The following PLS1 variants were observed in gnomAD, a reference collection of about 807,000 sequenced individuals.
The protein encoded by PLS1 is plastin-1.
A neutral mutation model predicts 73.7 loss-of-function variants in PLS1; 32 were observed. That is an observed-to-expected ratio of 0.43 (90% CI 0.33 to 0.58). The LOEUF is 0.58. Among genes scored for constraint, PLS1 ranks in the 20% least tolerant of loss-of-function variants. The pLI, the probability that PLS1 is intolerant of heterozygous loss-of-function variation, is 0.04. For synonymous variants in PLS1, 217 were observed against 261.3 expected (o/e 0.83, Z 1.63); for missense variants, 633 against 740.5 (o/e 0.85, Z 1.68).
At chr3:142,657,375 AG>A (rs2037263011) in intron 1 of PLS1, among the ~76,000 whole-genome samples, 1 of 152,078 alleles carries the variant, frequency 6.6e-6, no homozygotes. Context: ...GCCCTCTAGG[AG>A]GTTCATGCTT....
At chr3:142,623,296 G>A (rs545944296) in intron 1 of PLS1, 7 of 151,900 alleles carry the variant, frequency 4.6e-5, no homozygotes, top group African/African-American at 1.7e-4. Flanking sequence ...ATAGAATGAT[G>A]ATGACATCCA....
At chr3:142,671,695 T>G (rs2037607191) in intron 4 of PLS1, among the ~76,000 whole-genome samples, 1 of 152,190 alleles carries the variant, frequency 6.6e-6, no homozygotes, top group Non-Finnish European at 1.5e-5. Context: ...AGATGAGGTG[T>G]CTTCCCCGTG....
intron 12 of PLS1, among the ~76,000 whole-genome samples, chr3:142,698,627 A>G (rs1186502409): frequency 6.6e-6 from 1 of 152,192 alleles, no homozygotes; most frequent in Non-Finnish European, 1.5e-5. Context: ...ATGAATGAAC[A>G]ATTCATAGAA....
intron 11 of PLS1, among the ~76,000 whole-genome samples, chr3:142,695,736 GA>G (rs1252992938): frequency 2.0e-5 from 3 of 151,900 alleles, no homozygotes; most frequent in African/African-American, 7.3e-5. Context: ...TGGGTAGTAG[GA>G]GTAGAGAATA....
Position 142,689,917 on chromosome 3 carries a change from G to A in PLS1, c.1177+104G>A. On this transcript the variant is annotated intron_variant, in intron 10 of 15. Transcript: ENST00000457734. The stretch of plus-strand genomic sequence containing the variant: ...GGATTGTGGTGGGAAATGCAATTTA[G>A]TGTGTGTAGGTATGTGTATCTATTG... 9 of 711,224 alleles carry A rather than the reference G, an allele frequency of 1.3e-5. No homozygotes were observed. In the South Asian group the frequency reaches 2.0e-4, roughly 16 times the overall value. The allele number at this position is 711,224 out of a possible 1,614,324, so 44.1% of individuals were successfully genotyped here. A position where few individuals can be genotyped will look rare whatever the true frequency, so the allele number is the denominator to read the frequency against.
intron 1 of PLS1, among the ~76,000 whole-genome samples, chr3:142,628,983 T>C (rs1489403206): frequency 4.6e-5 from 7 of 152,224 alleles, no homozygotes. Flanking sequence ...GGAAGCTTCC[T>C]GGACCCAGCC....
chr3:142,634,151 C>T (rs2036626393), intron 1 of PLS1, among the ~76,000 whole-genome samples: 2 of 152,070 alleles, frequency 1.3e-5, no homozygotes, highest in African/African-American at 4.8e-5. Context: ...GAAAGAACTA[C>T]AAAAATACTT....
intron 1 of PLS1, among the ~76,000 whole-genome samples, chr3:142,598,232 T>C (rs1308903763): frequency 6.6e-6 from 1 of 152,194 alleles, no homozygotes; most frequent in Non-Finnish European, 1.5e-5. Flanking sequence ...ACCAGGAAGT[T>C]GGCAGGTTGT....
chr3:142,674,030 A>G (rs1308612539), intron 4 of PLS1: 1 of 152,210 alleles, frequency 6.6e-6, no homozygotes, highest in Non-Finnish European at 1.5e-5. Context: ...CACCTATTGA[A>G]AAACTATATT....
Position 142,664,269 on chromosome 3 carries a change from A to C in PLS1, c.32A>C (p.Glu11Ala). 6.3e-7 allele frequency: 1 copy of C among 1,594,616 alleles called. No homozygotes were observed. The highest frequency in any genetic ancestry group is 1.3e-5 in the African/African-American group (1 of 74,338). MENSTTTISR[E>A]ELEELQEAFN... ...AACAGTACTACTACCATTTCTCGGG[A>C]GGAGCTTGAAGAACTACAAGAGGCA... The change falls in exon 2 of 16, where the codon GAG becomes GCG. Residue 11 changes from glutamate to alanine, a missense_variant. Coordinates refer to ENST00000457734, the MANE Select transcript of PLS1 (RefSeq NM_001145319.2).
chr3:142,603,433 T>C (rs1482337375), intron 1 of PLS1, among the ~76,000 whole-genome samples: 1 of 152,196 alleles, frequency 6.6e-6, no homozygotes, highest in Non-Finnish European at 1.5e-5. Flanking sequence ...CTTCAGACTT[T>C]ACGATAAACT....
At chr3:142,662,027 C>T (rs1047719707) in intron 1 of PLS1, among the ~76,000 whole-genome samples, 2 of 152,118 alleles carry the variant, frequency 1.3e-5, no homozygotes, top group Non-Finnish European at 2.9e-5. Flanking sequence ...GGATCTAGAA[C>T]CAGAAATACC....
At chr3:142,709,559 G>A (rs1309709011) in intron 14 of PLS1, among the ~76,000 whole-genome samples, 3 of 152,204 alleles carry the variant, frequency 2.0e-5, no homozygotes, top group Non-Finnish European at 4.4e-5. Flanking sequence ...GCTCAGGCCT[G>A]TAATCCCACC....
chr3:142,679,139 ATTTG>A (rs1420713772), intron 6 of PLS1, among the ~76,000 whole-genome samples: 1 of 151,418 alleles, frequency 6.6e-6, no homozygotes, highest in East Asian at 1.9e-4. Context: ...TTTCTTGTAA[ATTTG>A]TTTGAGTTCA....
chr3:142,659,852 A>G (rs2037328856), intron 1 of PLS1, among the ~76,000 whole-genome samples: 1 of 152,042 alleles, frequency 6.6e-6, no homozygotes. Context: ...GTGTGCCACC[A>G]CGCCTGGCTA....
intron 12 of PLS1, among the ~76,000 whole-genome samples, chr3:142,703,306 T>G (rs1340407126): frequency 4.7e-5 from 7 of 150,244 alleles, no homozygotes; most frequent in Non-Finnish European, 8.9e-5. Flanking sequence ...TTTTTTTTTT[T>G]TTTTTTGAGA....
chr3:142,711,064 A>G (rs1167323185), intron 14 of PLS1, among the ~76,000 whole-genome samples: 1 of 152,226 alleles, frequency 6.6e-6, no homozygotes, highest in Non-Finnish European at 1.5e-5. Flanking sequence ...AAACAACAAG[A>G]CAATGTCTTT....
intron 1 of PLS1, among the ~76,000 whole-genome samples, chr3:142,657,381 A>G (rs781309710): frequency 6.6e-6 from 1 of 152,122 alleles, no homozygotes; most frequent in Non-Finnish European, 1.5e-5. Flanking sequence ...TAGGAGGTTC[A>G]TGCTTCTTCC....
intron 1 of PLS1, among the ~76,000 whole-genome samples, chr3:142,598,887 G>C (rs2035860418): frequency 6.6e-6 from 1 of 151,908 alleles, no homozygotes; most frequent in Non-Finnish European, 1.5e-5. Flanking sequence ...TGTAGTCCCA[G>C]CTACTTGGGA....
Sources: allele counts gnomAD v4.1 joint callset (sites outside exome capture counted in the v4.1 genomes callset), GRCh38; gene constraint gnomAD v4.1.1; transcripts MANE v1.5; gene names NCBI Gene and HGNC (gene_info 2026-07-23, HGNC 2026-07-21).